Variants in GRIP2 observed in about 807,000 individuals in gnomAD.
GRIP2 encodes glutamate receptor interacting protein 2, also known as glutamate receptor-interacting protein 2.
In GRIP2, 58 loss-of-function variants were observed where a neutral mutation model predicts 108.3. The ratio of observed to expected loss-of-function variants is 0.54; its 90% CI spans 0.43 to 0.67. The LOEUF (loss-of-function observed/expected upper bound fraction) is 0.67. Ranked by LOEUF, GRIP2 falls within the 30% of genes least tolerant of loss-of-function variation. The pLI is 0.00. For synonymous variants in GRIP2, 586 were observed against 598.2 expected (o/e 0.98, Z 0.30); for missense variants, 1,278 against 1,430.6 (o/e 0.89, Z 1.72).
At chr3:14,590,927 G>A in the GRIP2 span, among the ~76,000 whole-genome samples, 1 of 152,126 alleles carries the variant, frequency 6.6e-6, no homozygotes, top group South Asian at 2.1e-4. Context: ...AAACTTACTG[G>A]TAACTGATTT....
chr3:14,572,937 A>G, the GRIP2 span: 1 of 1,406,298 alleles, frequency 7.1e-7, no homozygotes, highest in South Asian at 1.2e-5. Context: ...CTCACGGCAG[A>G]CAGGATAGAA....
chr3:14,521,977 T>G lies in GRIP2; in HGVS notation c.567-190A>C. On this transcript the variant is annotated intron_variant, in intron 6 of 23. Transcript: ENST00000621039. The surrounding 1 kb of genome is among the most constrained non-coding windows in gnomAD (Gnocchi z 5.1). ...ATGAGCCACTCCAGGAGTGGGGAGC[T>G]GCATAAAGCAAGGGGGGGATGAAGA... 8 of 530,224 alleles carry G rather than the reference T, an allele frequency of 1.5e-5. No homozygotes were observed. Among genetic ancestry groups the G allele is most frequent in the East Asian group, 3.3e-5 (1 of 30,092 alleles). 32.8% of individuals were successfully genotyped at this position (530,224 alleles called of 1,614,324 possible).
At chr3:14,591,686 C>T in the GRIP2 span, among the ~76,000 whole-genome samples, 2 of 152,146 alleles carry the variant, frequency 1.3e-5, no homozygotes, top group African/African-American at 4.8e-5. Flanking sequence ...TTAGCCAAAC[C>T]GTGCCTCTTG....
At position 14,505,573 on chromosome 3, in the gene GRIP2, C is replaced by T; in HGVS notation, c.2573+42G>A. The T allele has an allele frequency of 6.3e-7, 1 of 1,586,496 alleles. No homozygotes were observed. The highest frequency in any genetic ancestry group is 8.6e-7 in the Non-Finnish European group (1 of 1,165,968). On this transcript the variant is annotated intron_variant, in intron 20 of 23. Transcript: ENST00000621039. This position sits in a 1 kb window ranked among gnomAD's most constrained non-coding sequence, Gnocchi z 4.2. ...GCACCCTCGCCCACCCCAGCCAAGACACTGTGACTCCCTCCTCCTTCACGG... is the reference window on the plus strand; with the variant it reads ...GCACCCTCGCCCACCCCAGCCAAGATACTGTGACTCCCTCCTCCTTCACGG...
intron 1 of GRIP2, chr3:14,555,830 G>C (rs1395613191): frequency 3.0e-5 from 12 of 399,260 alleles, no homozygotes; most frequent in Admixed American, 8.8e-5. Flanking sequence ...GAGCAGGGGT[G>C]ACTGAGGACA....
the GRIP2 span, among the ~76,000 whole-genome samples, chr3:14,577,499 C>A: frequency 6.6e-6 from 1 of 152,178 alleles, no homozygotes; most frequent in Admixed American, 6.5e-5. Flanking sequence ...TGCCCCATTG[C>A]CCTGCTTCCT....
In GRIP2 at chr3:14,507,781, G is replaced by C. The variant is rs768939379; in HGVS notation, c.2079-81C>G. The C allele has an allele frequency of 7.2e-6, 11 of 1,524,274 alleles. No homozygotes were observed. The highest frequency in any genetic ancestry group is 9.9e-6 in the Non-Finnish European group (11 of 1,110,812). The allele number at this position is 1,524,274 out of a possible 1,614,324, so 94.4% of individuals were successfully genotyped here. A position where few individuals can be genotyped will look rare whatever the true frequency, so the allele number is the denominator to read the frequency against. ...GGCAGTCTGCCCTCAGGGAATCCAG[G>C]AGAGCCACAAAGCAGAAGTCTGGCT... On this transcript the variant is annotated intron_variant, in intron 17 of 23. Transcript: ENST00000621039. This position sits in a 1 kb window ranked among gnomAD's most constrained non-coding sequence, Gnocchi z 4.6.
chr3:14,525,772 G>A (rs1160171107), intron 2 of GRIP2, 79 bp downstream of exon 2: 3 of 1,399,874 alleles, frequency 2.1e-6, no homozygotes, highest in South Asian at 1.2e-5. Context: ...CAGTGGCAGA[G>A]CCGTTGCCAT....
chr3:14,521,704 G>T lies in GRIP2; in HGVS notation c.650C>A (p.Ala217Asp). The change falls in exon 7 of 24, where the codon GCC becomes GAC. Residue 217 changes from alanine (A) to aspartate (D), a missense_variant. Ala to Asp is a moderately radical substitution (Grantham distance 126, BLOSUM62 -2). Transcript: ENST00000621039. This position sits in a 1 kb window ranked among gnomAD's most constrained non-coding sequence, Gnocchi z 5.1. ...LHGASHATAL[A>D]TLRQCSHEAL... ...CTCGTGGCTGCACTGCCGCAGGGTG[G>T]CCAGGGCGGTGGCATGGCTGGCCCC... 2 of 1,611,562 alleles carry T rather than the reference G, an allele frequency of 1.2e-6. No homozygotes were observed. Among genetic ancestry groups the T allele is most frequent in the Non-Finnish European group, 1.7e-6 (2 of 1,179,132 alleles).
chr3:14,545,871 G>A (rs528166575), upstream of GRIP2, among the ~76,000 whole-genome samples: 4 of 152,208 alleles, frequency 2.6e-5, no homozygotes, highest in African/African-American at 4.8e-5. Flanking sequence ...TGGGCCAGAC[G>A]TTTCAGCAGT....
chr3:14,519,335 C>G (rs1206294262), intron 9 of GRIP2, among the ~76,000 whole-genome samples: 1 of 152,236 alleles, frequency 6.6e-6, no homozygotes, highest in East Asian at 1.9e-4. Flanking sequence ...CTTCCTCACC[C>G]TCCAGCTCTG....
At position 14,522,826 on chromosome 3, in the gene GRIP2, G is replaced by C; in HGVS notation, c.566+174C>G. ...AAGGGCTCGAGGTTTCCCTCATTTG[G>C]GGTTACATCCCGGTTCCATCAACAA... On this transcript the variant is annotated intron_variant, in intron 6 of 23. Coordinates refer to ENST00000621039, the MANE Select transcript of GRIP2 (RefSeq NM_001080423.4). The surrounding 1 kb of genome is among the most constrained non-coding windows in gnomAD (Gnocchi z 4.3). 1.6e-6 allele frequency: 1 copy of C among 606,472 alleles called. No individual in the cohort carries two copies. Among genetic ancestry groups the C allele is most frequent in the Admixed American group, 2.7e-5 (1 of 36,530 alleles). 37.6% of individuals were successfully genotyped at this position (606,472 alleles called of 1,614,324 possible). A position where few individuals can be genotyped will look rare whatever the true frequency, so the allele number is the denominator to read the frequency against.
At chr3:14,506,759 T>TAG in intron 19 of GRIP2, 42 bp downstream of exon 19, 1 of 1,522,808 alleles carries the variant, frequency 6.6e-7, no homozygotes, top group Non-Finnish European at 8.9e-7. Flanking sequence ...AGGGGCGGCC[T>TAG]AGAGAGAGCG....
At chr3:14,556,231 C>T (rs555808200), upstream of GRIP2, among the ~76,000 whole-genome samples, 3 of 152,310 alleles carry the variant, frequency 2.0e-5, no homozygotes, top group East Asian at 5.8e-4. Flanking sequence ...GCGGGCCCCA[C>T]CCTCAAGTCC....
chr3:14,574,322 G>A, the GRIP2 span: 10,056 of 1,018,400 alleles, frequency 9.9e-3, 677 homozygotes, highest in African/African-American at 0.14. Context: ...GCTTCTCCCG[G>A]GCGAAGAGTT....
At chr3:14,572,105 C>A in the GRIP2 span, among the ~76,000 whole-genome samples, 1 of 152,086 alleles carries the variant, frequency 6.6e-6, no homozygotes, top group South Asian at 2.1e-4. Flanking sequence ...GGTATATACT[C>A]AACAGAAATG....
chr3:14,588,096 C>T, the GRIP2 span, among the ~76,000 whole-genome samples: 20 of 152,350 alleles, frequency 1.3e-4, no homozygotes, highest in South Asian at 6.2e-4. Context: ...CCTCAGGAGA[C>T]TGTCCTGGGC....
chr3:14,568,526 G>C, the GRIP2 span, among the ~76,000 whole-genome samples: 1 of 152,270 alleles, frequency 6.6e-6, no homozygotes, highest in African/African-American at 2.4e-5. Context: ...ATCTGGTTCC[G>C]AGGCCTGTGC....
chr3:14,581,261 G>C, the GRIP2 span, among the ~76,000 whole-genome samples: 1 of 152,208 alleles, frequency 6.6e-6, no homozygotes, highest in African/African-American at 2.4e-5. Flanking sequence ...GACATCAGCT[G>C]TTTCTGCCCA....
Sources: gnomAD v4.1 joint callset for allele counts (sites outside exome capture counted in the v4.1 genomes callset) on GRCh38, gnomAD v4.1.1 for gene constraint, Gnocchi (gnomAD v3.1) non-coding constraint, MANE v1.5 for transcripts, NCBI Gene and HGNC (gene_info 2026-07-23, HGNC 2026-07-21) for gene names.